LUZP2: variants seen among roughly 807,000 people sequenced by gnomAD.
LUZP2 encodes leucine zipper protein 2.
In LUZP2, 52 loss-of-function variants were observed where a neutral mutation model predicts 51.6. That is an observed-to-expected ratio of 1.01 (90% CI 0.81 to 1.27). LUZP2 has a LOEUF of 1.27. Among genes scored for constraint, LUZP2 ranks in the 50% most tolerant of loss-of-function variants. LUZP2 has a pLI of 0.00. For missense variants in LUZP2, 436 were observed against 395.4 expected, an observed-to-expected ratio of 1.10 and a Z score of -0.87; for synonymous variants, 154 against 137.3, an observed-to-expected ratio of 1.12 and a Z score of -0.85.
chr11:24,833,851 C>T (rs771794129), intron 5 of LUZP2, among the ~76,000 whole-genome samples: 1 of 152,166 alleles, frequency 6.6e-6, no homozygotes, highest in Non-Finnish European at 1.5e-5. Context: ...TGACCCAGCT[C>T]ACTTCCTTCC....
chr11:24,842,131 T>G (rs1464556114), intron 5 of LUZP2, among the ~76,000 whole-genome samples: 1 of 150,904 alleles, frequency 6.6e-6, no homozygotes, highest in Admixed American at 6.6e-5. Context: ...TGGCAATATA[T>G]TAATATTAGA....
intron 4 of LUZP2, among the ~76,000 whole-genome samples, chr11:24,741,965 A>AATGTATATATT (rs1859182302): frequency 1.2e-5 from 1 of 83,584 alleles, no homozygotes; most frequent in African/African-American, 3.6e-5. Flanking sequence ...ATTATATATA[A>AATGTATATATT]ATATATACAT....
At chr11:24,924,440 T>C (rs2133821481) in intron 7 of LUZP2, among the ~76,000 whole-genome samples, 1 of 152,262 alleles carries the variant, frequency 6.6e-6, no homozygotes, top group East Asian at 1.9e-4. Flanking sequence ...TTCCTGCCCG[T>C]AGAATGTTGA....
At chr11:24,726,559 T>C (rs1455077990) in intron 1 of LUZP2, among the ~76,000 whole-genome samples, 9 of 152,230 alleles carry the variant, frequency 5.9e-5, no homozygotes, top group Admixed American at 4.6e-4. Context: ...TGTTGACTTT[T>C]AGTGAAATAT....
intron 1 of LUZP2, among the ~76,000 whole-genome samples, chr11:24,687,244 CAAAATA>C (rs1373263615): frequency 3.6e-4 from 1 of 2,752 alleles, no homozygotes; most frequent in South Asian, 0.019. Flanking sequence ...CCTTGTGTGA[CAAAATA>C]AAAAAAAAAT....
chr11:25,021,919 G>A (rs929133966), intron 9 of LUZP2, among the ~76,000 whole-genome samples: 1 of 152,034 alleles, frequency 6.6e-6, no homozygotes, highest in Admixed American at 6.6e-5. Context: ...AGATGATTAA[G>A]CAGGCATTAA....
At chr11:24,509,322 C>T (rs1425439039) in intron 1 of LUZP2, among the ~76,000 whole-genome samples, 2 of 151,832 alleles carry the variant, frequency 1.3e-5, no homozygotes, top group African/African-American at 4.8e-5. Context: ...GAAGATGGCA[C>T]TGTGAAGTAT....
intron 5 of LUZP2, among the ~76,000 whole-genome samples, chr11:24,843,124 C>A (rs2631477): frequency 0.15 from 23,016 of 151,754 alleles, 1,915 homozygotes; most frequent in African/African-American, 0.2. Flanking sequence ...GTATGACAAT[C>A]TATCTTACAA....
At chr11:24,590,812 C>A (rs1853233533) in intron 1 of LUZP2, among the ~76,000 whole-genome samples, 1 of 152,154 alleles carries the variant, frequency 6.6e-6, no homozygotes, top group Non-Finnish European at 1.5e-5. Context: ...TCCTTACCTT[C>A]CCTTATTTTC....
chr11:24,537,431 T>G (rs922390612), intron 1 of LUZP2, among the ~76,000 whole-genome samples: 3 of 151,964 alleles, frequency 2.0e-5, no homozygotes, highest in Non-Finnish European at 2.9e-5. Flanking sequence ...AATACAACTC[T>G]CGAATCACGT....
chr11:24,514,420 A>G (rs1850401918), intron 1 of LUZP2, among the ~76,000 whole-genome samples: 1 of 152,240 alleles, frequency 6.6e-6, no homozygotes. Flanking sequence ...TCCACATCTC[A>G]GAGCAGCTGA....
At chr11:24,994,185 G>C (rs1193544728) in intron 9 of LUZP2, among the ~76,000 whole-genome samples, 1 of 112,562 alleles carries the variant, frequency 8.9e-6, no homozygotes. Flanking sequence ...TTTGGCACTT[G>C]TGATATTGCT....
intron 1 of LUZP2, among the ~76,000 whole-genome samples, chr11:24,640,039 A>G (rs1327749977): frequency 6.6e-6 from 1 of 151,858 alleles, no homozygotes; most frequent in Non-Finnish European, 1.5e-5. Context: ...AATGTTGCTT[A>G]TTGAAGACAG....
intron 5 of LUZP2, among the ~76,000 whole-genome samples, chr11:24,843,694 A>C (rs1290249648): frequency 6.6e-6 from 1 of 152,164 alleles, no homozygotes; most frequent in Admixed American, 6.6e-5. Context: ...CTCATCTTGA[A>C]TTGTAACTCA....
intron 1 of LUZP2, among the ~76,000 whole-genome samples, chr11:24,519,855 A>G (rs952529698): frequency 6.6e-6 from 1 of 152,342 alleles, no homozygotes; most frequent in Non-Finnish European, 1.5e-5. Flanking sequence ...CATAATTTTC[A>G]TAATTTTAGT....
intron 7 of LUZP2, among the ~76,000 whole-genome samples, chr11:24,930,536 G>A (rs1458505729): frequency 2.0e-5 from 3 of 152,096 alleles, no homozygotes; most frequent in Non-Finnish European, 4.4e-5. Flanking sequence ...GTTTAAGGAG[G>A]CTAAAGATAG....
At chr11:24,879,191 G>T (rs530011248) in intron 5 of LUZP2, among the ~76,000 whole-genome samples, 3 of 151,960 alleles carry the variant, frequency 2.0e-5, no homozygotes, top group Non-Finnish European at 4.4e-5. Flanking sequence ...TGATCCACCC[G>T]CCTAGGCCTC....
intron 9 of LUZP2, among the ~76,000 whole-genome samples, chr11:25,020,264 T>G (rs1857293752): frequency 6.6e-6 from 1 of 152,128 alleles, no homozygotes. Flanking sequence ...CTAGTGCTAC[T>G]AATATCATTT....
At chr11:25,010,244 C>G (rs1385069886) in intron 9 of LUZP2, among the ~76,000 whole-genome samples, 1 of 152,114 alleles carries the variant, frequency 6.6e-6, no homozygotes, top group African/African-American at 2.4e-5. Context: ...TCTATGCTCT[C>G]TAAAATAAGT....
Sources: allele counts gnomAD v4.1 joint callset (sites outside exome capture counted in the v4.1 genomes callset), GRCh38; gene constraint gnomAD v4.1.1; transcripts MANE v1.5; gene names NCBI Gene and HGNC (gene_info 2026-07-23, HGNC 2026-07-21).